ATAD2: variants seen among roughly 807,000 people sequenced by gnomAD.
The protein encoded by ATAD2 is ATPase family AAA domain containing 2.
ATAD2 carries 62 observed loss-of-function variants against 168.9 expected under a neutral mutation model. The observed-to-expected ratio is 0.37, with a 90% CI of 0.30 to 0.45. The LOEUF is 0.45. ATAD2 is among the 20% of genes least tolerant of loss of function. ATAD2 has a pLI of 1.00. For synonymous variants in ATAD2, 613 were observed against 571.6 expected (o/e 1.07, Z -1.03); for missense variants, 1,419 against 1,667.8 (o/e 0.85, Z 2.60).
At chr8:123,321,257 C>T in intron 27 of ATAD2, 82 bp from the exon 28 acceptor site, 1 of 1,200,316 alleles carries the variant, frequency 8.3e-7, no homozygotes, top group Non-Finnish European at 1.2e-6. Flanking sequence ...TTTCAGTAAA[C>T]AACCTTAAGA....
chr8:123,413,606 A>G (rs1023081113), intron 1 of ATAD2, among the ~76,000 whole-genome samples: 4 of 152,134 alleles, frequency 2.6e-5, no homozygotes, highest in Non-Finnish European at 5.9e-5. Flanking sequence ...TGACTACAGC[A>G]CTATTTATAC....
At chr8:123,322,177 G>A (rs1374259635) in intron 27 of ATAD2, among the ~76,000 whole-genome samples, 1 of 151,956 alleles carries the variant, frequency 6.6e-6, no homozygotes, top group Non-Finnish European at 1.5e-5. Context: ...TAGTAGACAT[G>A]GGGTTTCACC....
At chr8:123,358,391 C>A (rs1828711845) in intron 11 of ATAD2, among the ~76,000 whole-genome samples, 2 of 152,044 alleles carry the variant, frequency 1.3e-5, no homozygotes, top group African/African-American at 2.4e-5. Flanking sequence ...GTCGCCCAGG[C>A]TGGACTGCAG....
chr8:123,328,547 T>C lies in ATAD2; in HGVS notation c.3511A>G (p.Asn1171Asp), dbSNP rs201123136. ...TTTTTTATGGTGCCTAAGTACCAGT[T>C]TGACTTTTTGCGAATTTTCCTCTTC... ...QLKRKIRKKSNWYLGTIKKRR... is the reference protein window; with the variant it reads ...QLKRKIRKKSDWYLGTIKKRR... The change falls in exon 25 of 28, where the codon AAC (asparagine) becomes GAC (aspartate). Residue 1171 changes from asparagine to aspartate, a missense_variant. Coordinates refer to ENST00000287394, the MANE Select transcript of ATAD2 (RefSeq NM_014109.4). 1.6e-5 allele frequency: 24 copies of C among 1,546,358 alleles called. No individual in the cohort carries two copies. Among genetic ancestry groups the C allele is most frequent in the East Asian group, 2.3e-5 (1 of 43,628 alleles).
intron 1 of ATAD2, among the ~76,000 whole-genome samples, chr8:123,411,473 C>T (rs930430903): frequency 4.6e-5 from 7 of 152,046 alleles, no homozygotes; most frequent in Admixed American, 1.3e-4. Flanking sequence ...TTTCCTAGGC[C>T]GACTAAGAAT....
intron 24 of ATAD2, among the ~76,000 whole-genome samples, chr8:123,331,519 C>T (rs1234279808): frequency 1.3e-5 from 2 of 152,172 alleles, no homozygotes; most frequent in Non-Finnish European, 1.5e-5. Context: ...GGTTTACAGG[C>T]GTGAGCCACC....
intron 26 of ATAD2, among the ~76,000 whole-genome samples, chr8:123,325,528 C>T (rs188653537): frequency 6.2e-4 from 95 of 152,106 alleles, no homozygotes; most frequent in African/African-American, 2.1e-3. Context: ...CCTCGTGATC[C>T]GCCCACCTCA....
At chr8:123,390,031 T>C (rs557405904) in intron 1 of ATAD2, among the ~76,000 whole-genome samples, 1 of 143,712 alleles carries the variant, frequency 7.0e-6, no homozygotes, top group South Asian at 2.3e-4. Context: ...CAGGCTGGAG[T>C]GCAATGGCGC....
At chr8:123,406,599 T>G (rs1417657295) in intron 1 of ATAD2, among the ~76,000 whole-genome samples, 1 of 151,630 alleles carries the variant, frequency 6.6e-6, no homozygotes, top group African/African-American at 2.4e-5. Context: ...GGAGGATCCT[T>G]TGAGGCCAGA....
At chr8:123,336,620 A>G in intron 21 of ATAD2, 88 bp from the exon 22 acceptor site, 1 of 993,352 alleles carries the variant, frequency 1.0e-6, no homozygotes, top group South Asian at 2.3e-5. Flanking sequence ...TATAGGAGAT[A>G]GAGAATAAAT....
At chr8:123,331,384 A>G (rs1827770893) in intron 24 of ATAD2, among the ~76,000 whole-genome samples, 1 of 151,804 alleles carries the variant, frequency 6.6e-6, no homozygotes, top group Non-Finnish European at 1.5e-5. Flanking sequence ...GATTACAGGC[A>G]CTGTCTACCA....
At chr8:123,333,409 C>CAA (rs35820976) in intron 24 of ATAD2, among the ~76,000 whole-genome samples, 10 of 61,710 alleles carry the variant, frequency 1.6e-4, no homozygotes, top group Non-Finnish European at 2.5e-4. Context: ...GACTCCGTCT[C>CAA]AAAAAAAAAA....
upstream of ATAD2, among the ~76,000 whole-genome samples, chr8:123,396,750 G>A (rs1186471212): frequency 6.6e-6 from 1 of 152,152 alleles, no homozygotes; most frequent in Non-Finnish European, 1.5e-5. Context: ...GGACGGCGGC[G>A]GGGGAAGGGA....
chr8:123,348,141 A>G, intron 15 of ATAD2, 42 bp downstream of exon 15: 2 of 1,427,906 alleles, frequency 1.4e-6, no homozygotes, highest in Non-Finnish European at 9.6e-7. Context: ...CATATTTGAA[A>G]TAAATGTAGT....
chr8:123,365,948 G>C (rs1342909158), intron 8 of ATAD2, among the ~76,000 whole-genome samples: 1 of 152,150 alleles, frequency 6.6e-6, no homozygotes, highest in East Asian at 1.9e-4. Context: ...AAGAGCTTTT[G>C]AACAGCAAAA....
chr8:123,406,878 A>T (rs1813075430), intron 1 of ATAD2, among the ~76,000 whole-genome samples: 1 of 151,946 alleles, frequency 6.6e-6, no homozygotes, highest in Non-Finnish European at 1.5e-5. Flanking sequence ...TAGTGAGTTG[A>T]ACTGTGCCCC....
At chr8:123,395,881 G>A (rs994291029) in intron 1 of ATAD2, among the ~76,000 whole-genome samples, 1 of 152,162 alleles carries the variant, frequency 6.6e-6, no homozygotes, top group Non-Finnish European at 1.5e-5. Context: ...GTGGGGGGTC[G>A]TGCGGGCGGC....
intron 26 of ATAD2, among the ~76,000 whole-genome samples, chr8:123,324,009 C>G (rs1257752870): frequency 6.6e-6 from 1 of 151,980 alleles, no homozygotes; most frequent in Non-Finnish European, 1.5e-5. Flanking sequence ...TACTCTTAAC[C>G]CCAAACAACA....
chr8:123,343,515 A>G (rs1463474767), intron 19 of ATAD2, among the ~76,000 whole-genome samples: 1 of 152,192 alleles, frequency 6.6e-6, no homozygotes, highest in Non-Finnish European at 1.5e-5. Flanking sequence ...GGGAGAAAAT[A>G]AGCACTCAAT....
Sources: allele counts gnomAD v4.1 joint callset (sites outside exome capture counted in the v4.1 genomes callset), GRCh38; gene constraint gnomAD v4.1.1; transcripts MANE v1.5; gene names NCBI Gene and HGNC (gene_info 2026-07-23, HGNC 2026-07-21).